Variants in C12orf56 observed in about 807,000 individuals in gnomAD.
C12orf56 encodes the protein uncharacterized protein C12orf56.
C12orf56 carries 71 observed loss-of-function variants against 69.9 expected under a neutral mutation model. The ratio of observed to expected loss-of-function variants is 1.02; its 90% CI spans 0.84 to 1.24. The LOEUF is 1.24. Among genes scored for constraint, C12orf56 ranks in the 50% most tolerant of loss-of-function variants. The probability of loss-of-function intolerance (pLI) is 0.00; values close to 1 mark genes in which losing one functional copy is unlikely to be tolerated. For missense variants in C12orf56, 732 were observed against 738.5 expected (o/e 0.99, Z 0.10); for synonymous variants, 276 against 274.1 (o/e 1.01, Z -0.07).
intron 1 of C12orf56, among the ~76,000 whole-genome samples, chr12:64,383,173 C>T (rs1222610057): frequency 1.3e-5 from 2 of 151,490 alleles, no homozygotes; most frequent in African/African-American, 2.4e-5. Flanking sequence ...AAAAAATAGC[C>T]GAGCATGGTG....
At chr12:64,308,326 AATAC>A (rs530877082) in intron 5 of C12orf56, among the ~76,000 whole-genome samples, 4 of 152,158 alleles carry the variant, frequency 2.6e-5, no homozygotes, top group Non-Finnish European at 5.9e-5. Flanking sequence ...TGTATCAATA[AATAC>A]ATACATACAT....
chr12:64,380,116 A>AC (rs2039696211), intron 1 of C12orf56, among the ~76,000 whole-genome samples: 1 of 78,284 alleles, frequency 1.3e-5, no homozygotes, highest in African/African-American at 4.1e-5. Context: ...AAAAAAAAAA[A>AC]AAAAAAAAAA....
At chr12:64,339,589 G>A (rs2039047626) in intron 2 of C12orf56, among the ~76,000 whole-genome samples, 1 of 151,924 alleles carries the variant, frequency 6.6e-6, no homozygotes, top group African/African-American at 2.4e-5. Context: ...TTCAGACAGG[G>A]TCTTTCTCTG....
At chr12:64,340,045 A>G (rs2039054376) in intron 2 of C12orf56, among the ~76,000 whole-genome samples, 1 of 151,914 alleles carries the variant, frequency 6.6e-6, no homozygotes, top group East Asian at 1.9e-4. Flanking sequence ...TTAAGTATTA[A>G]CTCACATGAT....
chr12:64,273,297 C>CAAAA (rs201066197), intron 11 of C12orf56, among the ~76,000 whole-genome samples: 6 of 139,940 alleles, frequency 4.3e-5, no homozygotes, highest in African/African-American at 1.4e-4. Context: ...GACTCTGTCT[C>CAAAA]AAAAAAAAAA....
chr12:64,269,756 T>G (rs1024790966), intron 12 of C12orf56, among the ~76,000 whole-genome samples: 1 of 151,878 alleles, frequency 6.6e-6, no homozygotes, highest in Non-Finnish European at 1.5e-5. Context: ...GCTCAGCTTA[T>G]TTTTGTATTT....
intron 1 of C12orf56, among the ~76,000 whole-genome samples, chr12:64,378,794 T>C (rs1167358042): frequency 6.6e-6 from 1 of 151,716 alleles, no homozygotes; most frequent in Non-Finnish European, 1.5e-5. Flanking sequence ...CTCACGCCTG[T>C]AATCCCAGCA....
At chr12:64,292,922 T>C (rs2038310633) in intron 6 of C12orf56, among the ~76,000 whole-genome samples, 2 of 143,584 alleles carry the variant, frequency 1.4e-5, no homozygotes, top group East Asian at 2.1e-4. Context: ...TAAGCAAGCC[T>C]GGGCAATGGC....
intron 1 of C12orf56, among the ~76,000 whole-genome samples, chr12:64,387,991 C>T (rs879093001): frequency 6.6e-6 from 1 of 152,078 alleles, no homozygotes; most frequent in Admixed American, 6.5e-5. Flanking sequence ...GTTTTTGAGA[C>T]AGAGTTTTGC....
intron 1 of C12orf56, among the ~76,000 whole-genome samples, chr12:64,373,808 T>A (rs2039605149): frequency 6.6e-6 from 1 of 152,222 alleles, no homozygotes; most frequent in South Asian, 2.1e-4. Flanking sequence ...ATTTATATGT[T>A]TTTTTAATCT....
At chr12:64,337,695 A>T (rs1418521019) in intron 2 of C12orf56, among the ~76,000 whole-genome samples, 5 of 152,034 alleles carry the variant, frequency 3.3e-5, no homozygotes, top group African/African-American at 1.2e-4. Context: ...CAACTCTACT[A>T]AAAATACAAA....
intron 3 of C12orf56, among the ~76,000 whole-genome samples, chr12:64,328,998 G>C (rs558956240): frequency 6.6e-6 from 1 of 151,574 alleles, no homozygotes; most frequent in East Asian, 1.9e-4. Context: ...CTGGGAGGCA[G>C]AGGTTGCAGT....
Position 64,277,803 on chromosome 12 carries a change from C to T in C12orf56, c.1311G>A (p.Lys437=), listed in dbSNP as rs2038072899. Residue 437 remains lysine (K), a splice_region_variant and synonymous_variant, in exon 9 of 13, where the codon AAG becomes AAA. Transcript: ENST00000543942. ...SSRLNTLAAK[K]GALFNLLVIL... Reference sequence around the variant, plus strand: ...TTACCAAGAGATTAAATAGTGCTCCCCTGGAAAAAAATAAATAAAAGGCAA... The same window carrying T: ...TTACCAAGAGATTAAATAGTGCTCCTCTGGAAAAAAATAAATAAAAGGCAA... The T allele has an allele frequency of 6.5e-7, 1 of 1,538,958 alleles. No individual in the cohort carries two copies. The highest frequency in any genetic ancestry group is 1.4e-5 in the African/African-American group (1 of 72,594).
intron 2 of C12orf56, among the ~76,000 whole-genome samples, chr12:64,337,881 G>C (rs2039018317): frequency 6.7e-6 from 1 of 148,314 alleles, no homozygotes. Flanking sequence ...AAAACACCAG[G>C]ACATAAATTT....
At chr12:64,281,908 C>T (rs1407799169) in intron 8 of C12orf56, among the ~76,000 whole-genome samples, 1 of 151,962 alleles carries the variant, frequency 6.6e-6, no homozygotes, top group Non-Finnish European at 1.5e-5. Flanking sequence ...TGATTTTTTT[C>T]AACTTGGAAA....
At chr12:64,282,080 G>A (rs1249958145) in intron 8 of C12orf56, among the ~76,000 whole-genome samples, 2 of 152,188 alleles carry the variant, frequency 1.3e-5, no homozygotes, top group South Asian at 2.1e-4. Context: ...TTCAAGCTGG[G>A]CGCAGTGGTT....
At chr12:64,319,898 A>G (rs147676113) in intron 3 of C12orf56, among the ~76,000 whole-genome samples, 1 of 152,084 alleles carries the variant, frequency 6.6e-6, no homozygotes, top group Non-Finnish European at 1.5e-5. Context: ...ACTCTATTAA[A>G]TCTTGCAACT....
Position 64,320,690 on chromosome 12 carries a change from C to T in C12orf56, c.489-1710G>A, listed in dbSNP as rs1216673461. On this transcript the variant is annotated intron_variant, in intron 3 of 12. Transcript: ENST00000543942. ...CTAAATTCCAATCCTGGCTCTGCCACTTAATGGTTATGTGACCTTTGTTAA... is the reference window on the plus strand; with the variant it reads ...CTAAATTCCAATCCTGGCTCTGCCATTTAATGGTTATGTGACCTTTGTTAA... Among the ~76,000 whole-genome samples the T allele has an allele frequency of 8.5e-5, 13 of 152,182 alleles. No individual in the cohort carries two copies. The East Asian group carries it at 2.5e-3, about 29-fold the overall frequency.
chr12:64,299,735 A>G (rs566102606), intron 6 of C12orf56, among the ~76,000 whole-genome samples: 283 of 152,316 alleles, frequency 1.9e-3, no homozygotes, highest in African/African-American at 6.4e-3. Context: ...TCTCGATGGT[A>G]GAAACTGTAT....
Sources: allele counts gnomAD v4.1 joint callset (sites outside exome capture counted in the v4.1 genomes callset), GRCh38; gene constraint gnomAD v4.1.1; transcripts MANE v1.5; gene names NCBI Gene and HGNC (gene_info 2026-07-23, HGNC 2026-07-21).